The following ADGB variants were observed in gnomAD, a reference collection of about 807,000 sequenced individuals.
The protein encoded by ADGB is androglobin.
A neutral mutation model predicts 210.5 loss-of-function variants in ADGB; 172 were observed. The ratio of observed to expected loss-of-function variants is 0.82; its 90% CI spans 0.72 to 0.93. The LOEUF (loss-of-function observed/expected upper bound fraction) is 0.93, where lower values mean the gene tolerates loss of function less well. Ranked by LOEUF, ADGB falls within the 40% of genes least tolerant of loss-of-function variation. ADGB has a pLI of 0.00. For missense variants in ADGB, 2,025 were observed against 1,964.8 expected, an observed-to-expected ratio of 1.03 and a Z score of -0.58; for synonymous variants, 658 against 662.7, an observed-to-expected ratio of 0.99 and a Z score of 0.11.
At chr6:146,737,053 C>T (rs983824972) in intron 23 of ADGB, among the ~76,000 whole-genome samples, 5 of 151,476 alleles carry the variant, frequency 3.3e-5, no homozygotes, top group African/African-American at 1.2e-4. Flanking sequence ...AATTACACAC[C>T]CACTCACCTC....
At chr6:146,611,964 A>C (rs1193344097) in intron 1 of ADGB, among the ~76,000 whole-genome samples, 1 of 152,124 alleles carries the variant, frequency 6.6e-6, no homozygotes, top group Non-Finnish European at 1.5e-5. Context: ...GGAAATGGCA[A>C]AAGCTTAAGA....
In ADGB at chr6:146,654,226, C is replaced by A; in HGVS notation, c.402+20C>A. 2 of 1,507,542 alleles carry A rather than the reference C, an allele frequency of 1.3e-6. No individual in the cohort carries two copies. Among genetic ancestry groups the A allele is most frequent in the Non-Finnish European group, 1.8e-6 (2 of 1,111,284 alleles). The allele number at this position is 1,507,542 out of a possible 1,614,324, so 93.4% of individuals were successfully genotyped here. Reference sequence around the variant, plus strand: ...AGCGAGGTATGTACAGAAATATGAACTAAAGTCTCACCATGAAATGACTTC... The same window carrying A: ...AGCGAGGTATGTACAGAAATATGAAATAAAGTCTCACCATGAAATGACTTC... On this transcript the variant is annotated intron_variant, in intron 4 of 35. Transcript: ENST00000397944.
chr6:146,749,716 A>G (rs1295847239), intron 26 of ADGB, among the ~76,000 whole-genome samples: 1 of 152,170 alleles, frequency 6.6e-6, no homozygotes, highest in Non-Finnish European at 1.5e-5. Context: ...AGTGACTCAC[A>G]GTTCTACAGT....
intron 33 of ADGB, 138 bp from the exon 34 acceptor site, chr6:146,801,045 T>C (rs1387281707): frequency 5.1e-6 from 2 of 394,884 alleles, no homozygotes; most frequent in Admixed American, 4.5e-5. Context: ...ATTAACATTA[T>C]GTTAAATAAG....
In ADGB at chr6:146,765,299, A is replaced by G. The variant is rs1402330650; in HGVS notation, c.3750+1199A>G. The stretch of plus-strand genomic sequence containing the variant: ...GATTTTTAACCCATGCCTCGTGGAA[A>G]CTGACAGTTCAAGCTGAAAAACTAA... On this transcript the variant is annotated intron_variant, in intron 28 of 35. Transcript: ENST00000397944. Among the ~76,000 whole-genome samples the G allele has an allele frequency of 2.6e-5, 4 of 152,270 alleles. No individual in the cohort carries two copies. In the East Asian group the frequency reaches 7.7e-4, roughly 29 times the overall value.
chr6:146,741,729 C>T (rs1168004384), intron 25 of ADGB, among the ~76,000 whole-genome samples: 1 of 152,154 alleles, frequency 6.6e-6, no homozygotes, highest in Non-Finnish European at 1.5e-5. Context: ...AAATAAATTG[C>T]TTTACCAGCC....
chr6:146,601,684 A>G (rs961254234), intron 1 of ADGB, among the ~76,000 whole-genome samples: 2 of 152,238 alleles, frequency 1.3e-5, no homozygotes, highest in Non-Finnish European at 2.9e-5. Context: ...ATATGGAAAT[A>G]AAAGAAAAAG....
chr6:146,706,623 T>C (rs1426151358), intron 13 of ADGB, among the ~76,000 whole-genome samples: 1 of 152,168 alleles, frequency 6.6e-6, no homozygotes, highest in Non-Finnish European at 1.5e-5. Context: ...TCAGTCTTGG[T>C]AACTTGTATA....
intron 29 of ADGB, among the ~76,000 whole-genome samples, chr6:146,771,478 C>T (rs1271946212): frequency 2.0e-5 from 3 of 152,082 alleles, no homozygotes; most frequent in Non-Finnish European, 2.9e-5. Context: ...CTTTTGTTCT[C>T]GCTTAAAGTA....
At chr6:146,605,049 A>T (rs1214448198) in intron 1 of ADGB, among the ~76,000 whole-genome samples, 1 of 152,190 alleles carries the variant, frequency 6.6e-6, no homozygotes, top group Non-Finnish European at 1.5e-5. Context: ...TGAATCATAA[A>T]GCATCTAAGA....
intron 18 of ADGB, chr6:146,724,875 A>G (rs2114575895): frequency 6.6e-6 from 1 of 152,310 alleles, no homozygotes. Context: ...ATAATGGAAA[A>G]GATTTTATTT....
chr6:146,628,432 T>A (rs942241138), intron 1 of ADGB, among the ~76,000 whole-genome samples: 10 of 152,040 alleles, frequency 6.6e-5, no homozygotes, highest in Non-Finnish European at 1.5e-4. Flanking sequence ...ATAATATATA[T>A]CTAAGAATAA....
chr6:146,708,881 A>G (rs1223385534), intron 13 of ADGB, among the ~76,000 whole-genome samples: 1 of 152,114 alleles, frequency 6.6e-6, no homozygotes, highest in African/African-American at 2.4e-5. Flanking sequence ...TAAACTGTGT[A>G]GTCCTTTTTC....
At chr6:146,602,878 T>C (rs1780580082) in intron 1 of ADGB, among the ~76,000 whole-genome samples, 1 of 152,200 alleles carries the variant, frequency 6.6e-6, no homozygotes, top group Non-Finnish European at 1.5e-5. Flanking sequence ...AAGAATCTAA[T>C]GCATCCCCCT....
In ADGB at chr6:146,746,000, G is replaced by A. The variant is rs574091158; in HGVS notation, c.3256G>A (p.Gly1086Ser). 1.7e-4 allele frequency: 266 copies of A among 1,551,180 alleles called. No individual in the cohort carries two copies. Among genetic ancestry groups the A allele is most frequent in the African/African-American group, 1.3e-3 (95 of 73,086 alleles). ...AASRWKLRLIGSSAPLPCLSR... is the reference protein window; with the variant it reads ...AASRWKLRLISSSAPLPCLSR... ...CTCACGATGGAAACTGCGTCTCATCGGTTCTTCTGCTCCACTGCCATGCCT... is the reference window on the plus strand; with the variant it reads ...CTCACGATGGAAACTGCGTCTCATCAGTTCTTCTGCTCCACTGCCATGCCT... The change falls in exon 26 of 36, where the codon GGT (glycine) becomes AGT (serine). Residue 1086 changes from glycine (G) to serine (S), a missense_variant. Gly to Ser is a moderately conservative substitution (Grantham distance 56). Transcript: ENST00000397944.
chr6:146,803,588 T>C, intron 35 of ADGB: 1 of 1,400,878 alleles, frequency 7.1e-7, no homozygotes, highest in South Asian at 1.2e-5. Flanking sequence ...GGAGACTTCT[T>C]AACCTCCTTC....
At chr6:146,734,678 G>C (rs771154180) in intron 22 of ADGB, among the ~76,000 whole-genome samples, 50 of 152,168 alleles carry the variant, frequency 3.3e-4, no homozygotes, top group Admixed American at 3.9e-4. Flanking sequence ...GGGAGGCTGA[G>C]GGGGGCAGAT....
intron 35 of ADGB, among the ~76,000 whole-genome samples, chr6:146,808,068 C>A (rs1201389141): frequency 7.5e-6 from 1 of 133,874 alleles, no homozygotes; most frequent in East Asian, 2.5e-4. Flanking sequence ...GGTGTAATCT[C>A]GGCTCTCTGC....
intron 12 of ADGB, among the ~76,000 whole-genome samples, chr6:146,697,104 A>G (rs146165437): frequency 6.6e-6 from 1 of 152,066 alleles, no homozygotes; most frequent in Non-Finnish European, 1.5e-5. Context: ...ATGAAGAACA[A>G]TGAAGAGAAA....
Sources: allele counts gnomAD v4.1 joint callset (sites outside exome capture counted in the v4.1 genomes callset), GRCh38; gene constraint gnomAD v4.1.1; transcripts MANE v1.5; gene names NCBI Gene and HGNC (gene_info 2026-07-23, HGNC 2026-07-21).